NGRN: variants seen among roughly 807,000 people sequenced by gnomAD.
NGRN encodes the protein neugrin.
NGRN carries 12 observed loss-of-function variants against 13.1 expected under a neutral mutation model. The ratio of observed to expected loss-of-function variants is 0.92; its 90% CI spans 0.59 to 1.49. The LOEUF (loss-of-function observed/expected upper bound fraction) is 1.49. Ranked by LOEUF, NGRN falls within the 40% of genes most tolerant of loss-of-function variation. NGRN has a pLI of 0.00. For synonymous variants in NGRN, 149 were observed against 145.8 expected (o/e 1.02, Z -0.16); for missense variants, 397 against 357.0 (o/e 1.11, Z -0.90).
At chr15:90,269,315 C>T (rs1191662040) in intron 2 of NGRN, among the ~76,000 whole-genome samples, 3 of 151,478 alleles carry the variant, frequency 2.0e-5, no homozygotes, top group Non-Finnish European at 1.5e-5. Context: ...CCACCATACC[C>T]AGCCTTTTTT....
rs781451166 is a variant in NGRN at position 90,271,555 on chromosome 15, C to G, written c.643C>G (p.Gln215Glu). The G allele has an allele frequency of 3.7e-6, 6 of 1,614,020 alleles. No individual in the cohort carries two copies. The highest frequency in any genetic ancestry group is 5.1e-6 in the Non-Finnish European group (6 of 1,180,012). The change falls in exon 3 of 3, where the codon CAG becomes GAG. Residue 215 changes from glutamine (Q) to glutamate (E), a missense_variant. By Grantham distance (29) the Gln-to-Glu change is conservative. Transcript: ENST00000379095. ...AAGGAAGGGAAGAAATAAAGAAATC[C>G]AGGACCTGGAGGAGAGCTTTGTGCC... The part of the protein sequence containing the change: ...RRRKGRNKEI[Q>E]DLEESFVPVA...
chr15:90,266,710 C>T (rs1352717056), intron 2 of NGRN, among the ~76,000 whole-genome samples: 1 of 151,510 alleles, frequency 6.6e-6, no homozygotes, highest in Non-Finnish European at 1.5e-5. Context: ...CACTGCGCCC[C>T]GCCTGGTTTT....
chr15:90,266,387 G>C lies in NGRN; in HGVS notation c.264G>C (p.Met88Ile), dbSNP rs770421205. Residue 88 changes from methionine (M) to isoleucine (I), a missense_variant, in exon 2 of 3, where the codon ATG (methionine) becomes ATC (isoleucine). By Grantham distance (10) the Met-to-Ile change is conservative. Coordinates refer to ENST00000379095, the MANE Select transcript of NGRN (RefSeq NM_001033088.3). ...CCAGGACCCTGACGTGGGAAGCCAT[G>C]GAGCAGATACGGTGAGACTCAGGAT... ...APPRTLTWEA[M>I]EQIRYLHEEF... 6.2e-7 allele frequency: 1 copy of C among 1,613,360 alleles called. No individual in the cohort carries two copies. The highest frequency in any genetic ancestry group is 8.5e-7 in the Non-Finnish European group (1 of 1,179,666).
intron 2 of NGRN, among the ~76,000 whole-genome samples, chr15:90,269,162 A>ATTT (rs34266380): frequency 5.4e-4 from 48 of 89,624 alleles, no homozygotes; most frequent in African/African-American, 2.5e-3. Flanking sequence ...TACCTGGCTA[A>ATTT]TTTTTTTTTT....
Position 90,265,748 on chromosome 15 carries a change from C to G in NGRN, c.36C>G (p.Arg12=). The G allele has an allele frequency of 6.2e-7, 1 of 1,613,148 alleles. No homozygotes were observed. The highest frequency in any genetic ancestry group is 8.5e-7 in the Non-Finnish European group (1 of 1,179,836). ...CCCTGAGTCTCTTGCTGGGCGGGCGCGTTTGCGCCGCCGTCACTCGCTGTG... is the reference window on the plus strand; with the variant it reads ...CCCTGAGTCTCTTGCTGGGCGGGCGGGTTTGCGCCGCCGTCACTCGCTGTG... ...AVTLSLLLGG[R]VCAAVTRCGF... The change falls in exon 1 of 3, where the codon CGC becomes CGG. Residue 12 remains arginine (R), a synonymous_variant. Transcript: ENST00000379095.
chr15:90,268,400 A>G (rs1963458895), intron 2 of NGRN, among the ~76,000 whole-genome samples: 1 of 151,866 alleles, frequency 6.6e-6, no homozygotes, highest in South Asian at 2.1e-4. Context: ...GAGGAAAAAA[A>G]AAAAACAGTC....
chr15:90,266,877 TC>T (rs1198473040), intron 2 of NGRN, among the ~76,000 whole-genome samples: 4 of 152,214 alleles, frequency 2.6e-5, no homozygotes, highest in African/African-American at 9.7e-5. Flanking sequence ...GGTGCATTTT[TC>T]TGAAGACAGG....
chr15:90,271,788 A>G lies in NGRN; in HGVS notation c.876A>G (p.Ter292TrpextTer18), dbSNP rs977791985. Reference sequence around the variant, plus strand: ...ACGGGAACTTCCTGTACAGAATTTGAGTCGGGGCTTGGCTTATGGAGATGC... The same window carrying G: ...ACGGGAACTTCCTGTACAGAATTTGGGTCGGGGCTTGGCTTATGGAGATGC... Reference protein sequence around the residue: ...DSNGNFLYRI* With the variant: ...DSNGNFLYRIW The change falls in exon 3 of 3, where the codon TGA (stop) becomes TGG (tryptophan). Residue 292 changes from the stop codon to tryptophan (W), a stop_lost. Coordinates refer to ENST00000379095, the MANE Select transcript of NGRN (RefSeq NM_001033088.3). 13 of 1,613,408 alleles carry G rather than the reference A, an allele frequency of 8.1e-6. No individual in the cohort carries two copies. Among genetic ancestry groups the G allele is most frequent in the Non-Finnish European group, 1.1e-5 (13 of 1,179,442 alleles).
chr15:90,272,173 G>T lies in NGRN; in HGVS notation c.*385G>T, dbSNP rs540399847. ...CATTTTGGGGACAACTTAGTCAATT[G>T]GTTTTCCTTACAACAAAATAAAGTA... On this transcript the variant is annotated 3_prime_UTR_variant, in exon 3 of 3. Transcript: ENST00000379095. 1.1e-4 allele frequency: 23 copies of T among 209,452 alleles called. No individual in the cohort carries two copies. The highest frequency in any genetic ancestry group is 4.3e-4 in the African/African-American group (19 of 44,030). 13.0% of individuals were successfully genotyped at this position (209,452 alleles called of 1,614,324 possible). A position where few individuals can be genotyped will look rare whatever the true frequency, so the allele number is the denominator to read the frequency against.
At chr15:90,268,064 C>T (rs539609117) in intron 2 of NGRN, among the ~76,000 whole-genome samples, 19 of 152,218 alleles carry the variant, frequency 1.2e-4, no homozygotes, top group African/African-American at 3.9e-4. Flanking sequence ...AGTGCAGTGG[C>T]GAAATCTCAG....
At chr15:90,266,001 C>G (rs1021352934) in intron 1 of NGRN, 125 bp downstream of exon 1, 21 of 1,417,920 alleles carry the variant, frequency 1.5e-5, no homozygotes, top group Middle Eastern at 2.6e-4. Flanking sequence ...TCTTCTTACC[C>G]GTTGTTAGGG....
chr15:90,267,634 C>G (rs1343881674), intron 2 of NGRN, among the ~76,000 whole-genome samples: 1 of 152,174 alleles, frequency 6.6e-6, no homozygotes, highest in Admixed American at 6.5e-5. Context: ...AGCCACCATG[C>G]CTGGCCAGAA....
In NGRN at chr15:90,266,053, C is replaced by CT; in HGVS notation, c.164+179dup. ...TCAGCTCCCCTGGGACCACTGGTCCCTTCATTAGTGACGTATTTCATCATC... is the reference window on the plus strand; with the variant it reads ...TCAGCTCCCCTGGGACCACTGGTCCCTTTCATTAGTGACGTATTTCATCATC... On this transcript the variant is annotated intron_variant, in intron 1 of 2. Coordinates refer to ENST00000379095, the MANE Select transcript of NGRN (RefSeq NM_001033088.3). The CT allele has an allele frequency of 1.7e-5, 24 of 1,423,318 alleles. No homozygotes were observed. In the South Asian group the frequency reaches 3.6e-4, roughly 21 times the overall value. 88.2% of individuals were successfully genotyped at this position (1,423,318 alleles called of 1,614,324 possible).
Position 90,265,697 on chromosome 15 carries a change from G to A in NGRN, c.-16G>A, listed in dbSNP as rs1963400310. On this transcript the variant is annotated 5_prime_UTR_variant, in exon 1 of 3. Coordinates refer to ENST00000379095, the MANE Select transcript of NGRN (RefSeq NM_001033088.3). ...GCTGTTTCGTAGCCGACTGCTGAAG[G>A]CTGGTTTGCGTCGACATGGCGGTTA... The A allele has an allele frequency of 6.2e-7, 1 of 1,612,976 alleles. No homozygotes were observed. The highest frequency in any genetic ancestry group is 1.1e-5 in the South Asian group (1 of 91,042).
At chr15:90,266,251 C>T in intron 1 of NGRN, 37 bp from the exon 2 acceptor site, 1 of 1,596,028 alleles carries the variant, frequency 6.3e-7, no homozygotes, top group Non-Finnish European at 8.5e-7. Flanking sequence ...CATTCTGCTT[C>T]CACGCATGGC....
At chr15:90,268,301 C>T (rs1054960628) in intron 2 of NGRN, among the ~76,000 whole-genome samples, 1 of 152,258 alleles carries the variant, frequency 6.6e-6, no homozygotes, top group South Asian at 2.1e-4. Context: ...CCATGCCGGC[C>T]TCTATCTCCT....
chr15:90,270,840 G>GT (rs1218738313), intron 2 of NGRN, among the ~76,000 whole-genome samples: 3 of 151,996 alleles, frequency 2.0e-5, no homozygotes, highest in East Asian at 1.9e-4. Flanking sequence ...CTCTTTTTTT[G>GT]TTTTTTTGGG....
rs181963015 is a variant in NGRN at position 90,270,834 on chromosome 15, T to G, written c.276-354T>G. 3.9e-5 allele frequency among the ~76,000 whole-genome samples: 6 copies of G among 152,278 alleles called. No individual in the cohort carries two copies. The East Asian group carries it at 1.2e-3, about 29-fold the overall frequency. ...ACATTTGCGGTTTTTCAAGCTCTCT[T>G]TTTTTGTTTTTTTGGGAGAGTCTCA... On this transcript the variant is annotated intron_variant, in intron 2 of 2. Transcript: ENST00000379095.
intron 2 of NGRN, 128 bp from the exon 3 acceptor site, chr15:90,271,060 T>G (rs752696161): frequency 1.5e-5 from 16 of 1,089,254 alleles, no homozygotes; most frequent in Non-Finnish European, 2.1e-5. Flanking sequence ...CCTCTCAGAG[T>G]TCTGGGATTA....
Sources: allele counts gnomAD v4.1 joint callset (sites outside exome capture counted in the v4.1 genomes callset), GRCh38; gene constraint gnomAD v4.1.1; transcripts MANE v1.5; gene names NCBI Gene and HGNC (gene_info 2026-07-23, HGNC 2026-07-21).